The following EYS variants were observed in gnomAD, a reference collection of about 807,000 sequenced individuals.
EYS encodes EGF-like photoreceptor maintenance factor.
Under a neutral mutation model 282.1 loss-of-function variants are expected in EYS, and 250 were observed. That is an observed-to-expected ratio of 0.89 (90% CI 0.80 to 0.98). The LOEUF (loss-of-function observed/expected upper bound fraction) is 0.98, where lower values mean the gene tolerates loss of function less well. Ranked by LOEUF, EYS falls within the 50% of genes least tolerant of loss-of-function variation. The pLI is 0.00. For missense variants in EYS, 4,016 were observed against 3,709.0 expected (o/e 1.08, Z -2.15); for synonymous variants, 1,355 against 1,282.9 (o/e 1.06, Z -1.20).
intron 36 of EYS, among the ~76,000 whole-genome samples, chr6:63,848,237 T>C (rs1336935519): frequency 6.6e-6 from 1 of 152,154 alleles, no homozygotes; most frequent in Non-Finnish European, 1.5e-5. Flanking sequence ...GCATCCATAG[T>C]CTTAAACATT....
At position 64,373,848 on chromosome 6, in the gene EYS, C is replaced by A. The variant is rs147159614; in HGVS notation, c.6078+14842G>T. Among the ~76,000 whole-genome samples, 181 of 152,200 alleles carry A rather than the reference C, an allele frequency of 1.2e-3. 2 individuals carry two copies. Among genetic ancestry groups the A allele is most frequent in the Middle Eastern group, 3.4e-3 (1 of 294 alleles). Reference sequence around the variant, plus strand: ...TATCGGTGGAGGTGGGTGGGTCATGCACCCTGCTTTCCATGTTTCCTGGGA... The same window carrying A: ...TATCGGTGGAGGTGGGTGGGTCATGAACCCTGCTTTCCATGTTTCCTGGGA... On this transcript the variant is annotated intron_variant, in intron 29 of 42. Transcript: ENST00000503581.
At chr6:64,525,093 A>G (rs959912941) in intron 26 of EYS, among the ~76,000 whole-genome samples, 3 of 151,824 alleles carry the variant, frequency 2.0e-5, no homozygotes, top group Non-Finnish European at 4.4e-5. Flanking sequence ...AAATTAGTTC[A>G]ACTATTGTGG....
intron 33 of EYS, among the ~76,000 whole-genome samples, chr6:64,018,774 T>G (rs1266870786): frequency 7.9e-6 from 1 of 125,920 alleles, no homozygotes; most frequent in African/African-American, 2.9e-5. Context: ...TTTTTTTTTT[T>G]TTTTTTTTTT....
intron 19 of EYS, among the ~76,000 whole-genome samples, chr6:64,830,104 C>T (rs1765171126): frequency 6.6e-6 from 1 of 151,952 alleles, no homozygotes; most frequent in South Asian, 2.1e-4. Context: ...GAGCCCTCAT[C>T]AATGGAATTA....
At chr6:64,285,643 T>C (rs1427795139) in intron 30 of EYS, among the ~76,000 whole-genome samples, 1 of 152,152 alleles carries the variant, frequency 6.6e-6, no homozygotes, top group Non-Finnish European at 1.5e-5. Flanking sequence ...TTTCACACTA[T>C]TAATAAAAAC....
intron 22 of EYS, among the ~76,000 whole-genome samples, chr6:64,637,094 T>TCC (rs1768010218): frequency 1.9e-5 from 2 of 104,840 alleles, no homozygotes; most frequent in Admixed American, 1.0e-4. Context: ...CATTACTGGG[T>TCC]ATATACCCAA....
intron 14 of EYS, among the ~76,000 whole-genome samples, chr6:64,985,283 C>T (rs1449424394): frequency 6.6e-6 from 1 of 151,398 alleles, no homozygotes; most frequent in African/African-American, 2.4e-5. Context: ...ACTCAAGTAA[C>T]AAAAAGAGGA....
chr6:65,552,780 C>T (rs1316002276), intron 2 of EYS, among the ~76,000 whole-genome samples: 4 of 152,012 alleles, frequency 2.6e-5, no homozygotes, highest in African/African-American at 9.6e-5. Context: ...TGTGATGATA[C>T]TAATGTAATT....
At chr6:65,353,861 C>G (rs1309228034) in intron 8 of EYS, among the ~76,000 whole-genome samples, 1 of 151,980 alleles carries the variant, frequency 6.6e-6, no homozygotes, top group African/African-American at 2.4e-5. Flanking sequence ...TCTCAATATA[C>G]AACAGTCCCT....
At chr6:65,426,270 C>T (rs777715582) in intron 5 of EYS, among the ~76,000 whole-genome samples, 4 of 152,116 alleles carry the variant, frequency 2.6e-5, no homozygotes, top group Non-Finnish European at 4.4e-5. Flanking sequence ...TAAGCCACTA[C>T]AGATAGCCAA....
chr6:65,401,673 C>T (rs576672143), intron 7 of EYS, among the ~76,000 whole-genome samples: 3 of 151,750 alleles, frequency 2.0e-5, no homozygotes, highest in East Asian at 3.9e-4. Context: ...AATTTGGATT[C>T]CTTTGAAATA....
intron 19 of EYS, among the ~76,000 whole-genome samples, chr6:64,879,081 G>A (rs552068870): frequency 4.6e-5 from 7 of 152,232 alleles, no homozygotes; most frequent in East Asian, 1.9e-4. Context: ...TGCCCTTTTA[G>A]CAATTTGTTG....
chr6:65,076,132 A>G (rs1326849777), intron 12 of EYS, among the ~76,000 whole-genome samples: 1 of 152,058 alleles, frequency 6.6e-6, no homozygotes, highest in Non-Finnish European at 1.5e-5. Context: ...TAGATCATAC[A>G]TGCTACTTAT....
chr6:63,830,009 T>C, intron 36 of EYS, among the ~76,000 whole-genome samples: 1 of 152,270 alleles, frequency 6.6e-6, no homozygotes, highest in East Asian at 1.9e-4. Context: ...GTCCTGACTG[T>C]TAGAAGGAAA....
chr6:65,421,842 C>T (rs957165778), intron 5 of EYS, among the ~76,000 whole-genome samples: 4 of 151,804 alleles, frequency 2.6e-5, no homozygotes, highest in East Asian at 1.9e-4. Context: ...CAGAACCACA[C>T]GACATTTATC....
intron 12 of EYS, among the ~76,000 whole-genome samples, chr6:65,144,530 C>T (rs1243260715): frequency 6.6e-6 from 1 of 151,996 alleles, no homozygotes. Flanking sequence ...GTTCTTGATC[C>T]AAATAATTTC....
chr6:65,471,110 C>T (rs1427209354), intron 5 of EYS, among the ~76,000 whole-genome samples: 2 of 151,626 alleles, frequency 1.3e-5, no homozygotes, highest in African/African-American at 4.8e-5. Flanking sequence ...GCACTCCAGC[C>T]TGGGTGACAG....
chr6:64,347,889 T>G (rs1034481823), intron 29 of EYS, among the ~76,000 whole-genome samples: 1 of 151,334 alleles, frequency 6.6e-6, no homozygotes, highest in Admixed American at 6.6e-5. Flanking sequence ...CACAAAAAAA[T>G]TCACCTTATT....
chr6:64,456,710 T>C lies in EYS; in HGVS notation c.5645-17358A>G, dbSNP rs534526374. ...ATGCTCTAAATTTTTCTGAGGCATA[T>C]ATTTGGAAAAGTCTGAAGCACATGG... On this transcript the variant is annotated intron_variant, in intron 26 of 42. Coordinates refer to ENST00000503581, the MANE Select transcript of EYS (RefSeq NM_001142800.2). Among the ~76,000 whole-genome samples, 82 of 152,162 alleles carry C rather than the reference T, an allele frequency of 5.4e-4. 1 individual carries two copies. Among genetic ancestry groups the C allele is most frequent in the Middle Eastern group, 6.8e-3 (2 of 294 alleles).
Sources: gnomAD v4.1 joint callset for allele counts (sites outside exome capture counted in the v4.1 genomes callset) on GRCh38, gnomAD v4.1.1 for gene constraint, MANE v1.5 for transcripts, NCBI Gene and HGNC (gene_info 2026-07-23, HGNC 2026-07-21) for gene names.